Variants in CSMD2 observed in about 807,000 individuals in gnomAD.
The protein encoded by CSMD2 is CUB and Sushi multiple domains 2.
CSMD2 carries 130 observed loss-of-function variants against 398.5 expected under a neutral mutation model. The observed-to-expected ratio is 0.33, with a 90% CI of 0.28 to 0.38. CSMD2 has a LOEUF of 0.38. CSMD2 is among the 10% of genes least tolerant of loss of function. The pLI, the probability that CSMD2 is intolerant of heterozygous loss-of-function variation, is 1.00. For synonymous variants in CSMD2, 1,828 were observed against 1,908.5 expected (o/e 0.96, Z 1.10); for missense variants, 3,829 against 4,764.9 (o/e 0.80, Z 5.78).
chr1:33,650,659 T>C (rs956450815), intron 28 of CSMD2, among the ~76,000 whole-genome samples: 2 of 152,186 alleles, frequency 1.3e-5, no homozygotes, highest in Non-Finnish European at 2.9e-5. Context: ...AGGGCCATGA[T>C]AGGATTTAAA....
chr1:34,051,541 T>C lies in CSMD2; in HGVS notation c.405-18835A>G, dbSNP rs556702788. ...AAGTAATATGTATTTGTTTTCTTTT[T>C]CCTTTTTCATATAGCATAAGATATA... On this transcript the variant is annotated intron_variant, in intron 2 of 70. Coordinates refer to ENST00000373381, the MANE Select transcript of CSMD2 (RefSeq NM_001281956.2). Among the ~76,000 whole-genome samples the C allele has an allele frequency of 2.0e-4, 31 of 152,280 alleles. No homozygotes were observed. In the South Asian group the frequency reaches 3.7e-3, roughly 18 times the overall value.
chr1:33,904,709 G>A (rs1384205095), intron 5 of CSMD2, among the ~76,000 whole-genome samples: 1 of 151,188 alleles, frequency 6.6e-6, no homozygotes, highest in African/African-American at 2.4e-5. Flanking sequence ...CTGCCGCCCA[G>A]GCTGGAGTGC....
chr1:33,803,773 AT>A (rs58799327), intron 10 of CSMD2, among the ~76,000 whole-genome samples: 19,653 of 152,204 alleles, frequency 0.13, 2,126 homozygotes, highest in African/African-American at 0.3. Context: ...TCCTTCCAGT[AT>A]CCACCTCTAA....
chr1:33,600,027 A>G (rs557129921), intron 44 of CSMD2: 7 of 625,478 alleles, frequency 1.1e-5, no homozygotes, highest in Admixed American at 2.9e-5. Flanking sequence ...CCTTTGCCCT[A>G]TTTCTTCATT....
intron 2 of CSMD2, among the ~76,000 whole-genome samples, chr1:34,075,045 G>C (rs1371347658): frequency 6.6e-6 from 1 of 152,248 alleles, no homozygotes; most frequent in Non-Finnish European, 1.5e-5. Flanking sequence ...GGCAGAAGCT[G>C]TCTTGTTAAC....
chr1:33,723,986 A>G (rs557729704), intron 19 of CSMD2, among the ~76,000 whole-genome samples: 27 of 152,278 alleles, frequency 1.8e-4, no homozygotes, highest in Non-Finnish European at 2.9e-4. Flanking sequence ...TCCAGCAGGG[A>G]GATTTTAGAA....
chr1:33,805,583 T>G (rs1045376154), intron 10 of CSMD2, among the ~76,000 whole-genome samples: 1 of 152,168 alleles, frequency 6.6e-6, no homozygotes, highest in Non-Finnish European at 1.5e-5. Flanking sequence ...ATTCACATGT[T>G]GAATCCCCAA....
At chr1:33,592,278 C>T in intron 44 of CSMD2, 1 of 685,516 alleles carries the variant, frequency 1.5e-6, no homozygotes, top group Non-Finnish European at 2.7e-6. Context: ...AGAAGAGCAG[C>T]AATCCATTGC....
At position 33,662,951 on chromosome 1, in the gene CSMD2, G is replaced by C; in HGVS notation, c.4194C>G (p.Val1398=). 7 of 1,614,144 alleles carry C rather than the reference G, an allele frequency of 4.3e-6. No homozygotes were observed. The highest frequency in any genetic ancestry group is 5.9e-6 in the Non-Finnish European group (7 of 1,180,020). Residue 1398 remains valine, a synonymous_variant, in exon 26 of 71, where the codon GTC becomes GTG. Transcript: ENST00000373381. ...PKDLHSTFNS[V]VLQFSTDFFT... ...AGAAGTCAGTGCTGAACTGCAGGACGACCGAGTTGAAGGTGCTATGCAGGT... is the reference window on the plus strand; with the variant it reads ...AGAAGTCAGTGCTGAACTGCAGGACCACCGAGTTGAAGGTGCTATGCAGGT...
intron 11 of CSMD2, among the ~76,000 whole-genome samples, chr1:33,789,376 C>G (rs1179944259): frequency 3.9e-5 from 6 of 152,220 alleles, no homozygotes; most frequent in Non-Finnish European, 8.8e-5. Context: ...ATTTCCTACC[C>G]ATTATCTCAT....
At chr1:33,655,569 T>A (rs1172121199) in intron 27 of CSMD2, among the ~76,000 whole-genome samples, 1 of 152,222 alleles carries the variant, frequency 6.6e-6, no homozygotes, top group Non-Finnish European at 1.5e-5. Context: ...AATCCCGAGC[T>A]CTAACCTCAC....
At chr1:34,020,591 A>G (rs1370090412) in intron 3 of CSMD2, among the ~76,000 whole-genome samples, 1 of 152,048 alleles carries the variant, frequency 6.6e-6, no homozygotes, top group Non-Finnish European at 1.5e-5. Flanking sequence ...GCAGGCCTGG[A>G]GAACTGTGCA....
intron 15 of CSMD2, among the ~76,000 whole-genome samples, chr1:33,733,917 A>G (rs961248641): frequency 6.6e-6 from 1 of 152,206 alleles, no homozygotes; most frequent in Non-Finnish European, 1.5e-5. Flanking sequence ...TTGGCCTGGT[A>G]TTTAGCACAT....
Position 33,634,791 on chromosome 1 carries a change from C to T in CSMD2, c.5086+423G>A, listed in dbSNP as rs149956801. Among the ~76,000 whole-genome samples the T allele has an allele frequency of 2.1e-3, 319 of 152,268 alleles. 2 individuals carry two copies. The highest frequency in any genetic ancestry group is 7.3e-3 in the African/African-American group (304 of 41,552). On this transcript the variant is annotated intron_variant, in intron 31 of 70. Transcript: ENST00000373381. ...ATGGGACACCAGAATGATGTGGCTCCTGGTCTCCCTCACCTGCACTTTCAA... is the reference window on the plus strand; with the variant it reads ...ATGGGACACCAGAATGATGTGGCTCTTGGTCTCCCTCACCTGCACTTTCAA...
At chr1:34,028,798 G>A (rs183337475) in intron 3 of CSMD2, among the ~76,000 whole-genome samples, 32 of 152,270 alleles carry the variant, frequency 2.1e-4, no homozygotes, top group African/African-American at 6.3e-4. Flanking sequence ...CTTCCCTCCC[G>A]TCCAGCTGCT....
At chr1:33,956,620 C>T (rs1176882047) in intron 3 of CSMD2, among the ~76,000 whole-genome samples, 1 of 152,118 alleles carries the variant, frequency 6.6e-6, no homozygotes, top group Non-Finnish European at 1.5e-5. Context: ...CCAGAATCCT[C>T]TCTATGTTCC....
chr1:33,661,310 C>T (rs745920259), intron 26 of CSMD2, among the ~76,000 whole-genome samples: 49 of 152,152 alleles, frequency 3.2e-4, no homozygotes, highest in Non-Finnish European at 6.9e-4. Context: ...GTCTCTTTAG[C>T]ATTCTACCCT....
chr1:33,596,979 G>C (rs1639882056), intron 44 of CSMD2, among the ~76,000 whole-genome samples: 1 of 152,052 alleles, frequency 6.6e-6, no homozygotes, highest in Non-Finnish European at 1.5e-5. Flanking sequence ...GTTATTTGGA[G>C]TCCATGTTAT....
chr1:34,093,050 G>A (rs537122496), intron 1 of CSMD2, among the ~76,000 whole-genome samples: 3 of 152,204 alleles, frequency 2.0e-5, no homozygotes, highest in Non-Finnish European at 1.5e-5. Flanking sequence ...CCAGTACGCA[G>A]CTGGAGATCT....
Sources: allele counts gnomAD v4.1 joint callset (sites outside exome capture counted in the v4.1 genomes callset), GRCh38; gene constraint gnomAD v4.1.1; transcripts MANE v1.5; gene names NCBI Gene and HGNC (gene_info 2026-07-23, HGNC 2026-07-21).